Variants in TMPRSS9 observed in about 807,000 individuals in gnomAD.
The protein encoded by TMPRSS9 is transmembrane protease serine 9.
In TMPRSS9, 113 loss-of-function variants were observed where a neutral mutation model predicts 111.4. The ratio of observed to expected loss-of-function variants is 1.01; its 90% CI spans 0.87 to 1.19. The LOEUF is 1.19. TMPRSS9 is among the 50% of genes most tolerant of loss of function. The pLI, the probability that TMPRSS9 is intolerant of heterozygous loss-of-function variation, is 0.00. For synonymous variants in TMPRSS9, 805 were observed against 659.1 expected (o/e 1.22, Z -3.39); for missense variants, 1,803 against 1,513.1 (o/e 1.19, Z -3.18).
At chr19:2,426,194 G>C (rs997900512) in exon 18 of TMPRSS9, 14 of 1,407,028 alleles carry the variant, frequency 1.0e-5, no homozygotes, top group Non-Finnish European at 1.2e-5. Context: ...GGTGTGGGGG[G>C]GCTGTGGGTC....
intron 12 of TMPRSS9, among the ~76,000 whole-genome samples, chr19:2,417,195 G>A (rs774362526): frequency 4.6e-5 from 7 of 152,148 alleles, no homozygotes; most frequent in Non-Finnish European, 8.8e-5. Context: ...GCCACATGTG[G>A]TGGCTCACAC....
At chr19:2,403,564 C>T (rs958179716) in intron 6 of TMPRSS9, among the ~76,000 whole-genome samples, 22 of 152,004 alleles carry the variant, frequency 1.4e-4, no homozygotes, top group Admixed American at 1.1e-3. Context: ...ATTAAAATGC[C>T]GTAAGAGATT....
At chr19:2,370,608 C>T (rs572941078) in intron 1 of TMPRSS9, among the ~76,000 whole-genome samples, 6 of 152,124 alleles carry the variant, frequency 3.9e-5, no homozygotes, top group South Asian at 2.1e-4. Flanking sequence ...GGATTACAGG[C>T]GTGAGCCACC....
At chr19:2,386,864 C>T (rs968712752), upstream of TMPRSS9, among the ~76,000 whole-genome samples, 15 of 152,086 alleles carry the variant, frequency 9.9e-5, no homozygotes, top group African/African-American at 1.9e-4. Context: ...TGATGGCACA[C>T]GCCTGTGGTC....
At chr19:2,373,234 T>C (rs1970304216) in intron 1 of TMPRSS9, among the ~76,000 whole-genome samples, 2 of 152,148 alleles carry the variant, frequency 1.3e-5, no homozygotes, top group Non-Finnish European at 2.9e-5. Context: ...TATTTTTATA[T>C]ATTTATTGAT....
At chr19:2,394,402 A>G (rs559074119) in intron 1 of TMPRSS9, among the ~76,000 whole-genome samples, 1 of 152,292 alleles carries the variant, frequency 6.6e-6, no homozygotes, top group South Asian at 2.1e-4. Flanking sequence ...AAACATTTAA[A>G]AAAATAAAAA....
At chr19:2,389,219 G>A (rs1260937898), upstream of TMPRSS9, among the ~76,000 whole-genome samples, 3 of 144,796 alleles carry the variant, frequency 2.1e-5, no homozygotes, top group South Asian at 2.2e-4. Flanking sequence ...GATTACAGGC[G>A]CCCACCACCA....
chr19:2,409,032 T>C (rs1474844694), intron 8 of TMPRSS9, among the ~76,000 whole-genome samples: 1 of 101,242 alleles, frequency 9.9e-6, no homozygotes, highest in Non-Finnish European at 2.1e-5. Context: ...ATAATAATAA[T>C]GATGATGCAG....
intron 10 of TMPRSS9, among the ~76,000 whole-genome samples, chr19:2,415,045 A>G (rs1971195173): frequency 6.7e-6 from 1 of 149,112 alleles, no homozygotes; most frequent in Non-Finnish European, 1.5e-5. Flanking sequence ...TCCCGGTTCA[A>G]GTGATTCTCC....
chr19:2,416,415 G>A, intron 11 of TMPRSS9, 123 bp from the exon 13 acceptor site: 2 of 1,308,392 alleles, frequency 1.5e-6, no homozygotes, highest in African/African-American at 2.9e-5. Flanking sequence ...GAAGGTCAGA[G>A]GATGGTCCTG....
In TMPRSS9 at chr19:2,393,218, C is replaced by T. The variant is rs907021043; in HGVS notation, c.142+3291C>T. On this transcript the variant is annotated intron_variant, in intron 1 of 17. Transcript: ENST00000648592. ...TTTTAATTCTCTGCGAGAAATCTTGCTGCTGCTCACTCGTTGGGTGTGAGA... is the reference window on the plus strand; with the variant it reads ...TTTTAATTCTCTGCGAGAAATCTTGTTGCTGCTCACTCGTTGGGTGTGAGA... Among the ~76,000 whole-genome samples the T allele has an allele frequency of 2.6e-5, 4 of 152,280 alleles. 1 individual carries two copies. The South Asian group carries it at 8.3e-4, about 32-fold the overall frequency.
At chr19:2,371,543 A>G (rs571365302) in intron 1 of TMPRSS9, among the ~76,000 whole-genome samples, 6 of 152,202 alleles carry the variant, frequency 3.9e-5, no homozygotes, top group African/African-American at 1.4e-4. Context: ...AAAGAAAAAA[A>G]AAATTTAGCT....
At chr19:2,406,155 C>T (rs538216361) in intron 7 of TMPRSS9, among the ~76,000 whole-genome samples, 7 of 149,756 alleles carry the variant, frequency 4.7e-5, no homozygotes, top group African/African-American at 9.9e-5. Flanking sequence ...GGAATACAGG[C>T]GCCCGCCACC....
chr19:2,424,227 G>C, exon 15 of TMPRSS9: 1 of 1,420,066 alleles, frequency 7.0e-7, no homozygotes, highest in Non-Finnish European at 9.3e-7. Flanking sequence ...GCAGAGAGGT[G>C]GCTGCTGTCG....
intron 12 of TMPRSS9, 70 bp downstream of exon 13, chr19:2,416,879 G>A: frequency 2.0e-6 from 3 of 1,517,992 alleles, no homozygotes; most frequent in East Asian, 2.3e-5. Context: ...GGGTCAGGAT[G>A]GGCATCTCTT....
At chr19:2,418,264 T>C (rs1435068428) in intron 13 of TMPRSS9, 126 bp downstream of exon 14, 3 of 965,680 alleles carry the variant, frequency 3.1e-6, no homozygotes, top group East Asian at 1.2e-4. Context: ...CCTTCCCTCC[T>C]TGTCCTTCCC....
At chr19:2,391,377 T>C (rs1172194012) in intron 1 of TMPRSS9, among the ~76,000 whole-genome samples, 6 of 151,390 alleles carry the variant, frequency 4.0e-5, no homozygotes, top group African/African-American at 4.8e-5. Context: ...TTTTTTTCTT[T>C]TTTCTTTTTT....
chr19:2,415,872 C>T (rs752183875), intron 11 of TMPRSS9, 31 bp downstream of exon 12: 73 of 1,543,032 alleles, frequency 4.7e-5, no homozygotes, highest in Admixed American at 2.4e-4. Context: ...GAAGGCTGCC[C>T]GGCTTCCCCT....
chr19:2,414,876 G>GGACAAAAAA (rs373652096), intron 10 of TMPRSS9, among the ~76,000 whole-genome samples: 4 of 146,378 alleles, frequency 2.7e-5, no homozygotes, highest in African/African-American at 1.0e-4. Context: ...ACTCCATCTC[G>GGACAAAAAA]AAAAAGAAAA....
Sources: gnomAD v4.1 joint callset for allele counts (sites outside exome capture counted in the v4.1 genomes callset) on GRCh38, gnomAD v4.1.1 for gene constraint, MANE v1.5 for transcripts, NCBI Gene and HGNC (gene_info 2026-07-23, HGNC 2026-07-21) for gene names.